RALYL: variants seen among roughly 807,000 people sequenced by gnomAD.
RALYL encodes the protein RALY RNA binding protein like, also known as RNA-binding Raly-like protein.
Under a neutral mutation model 35.1 loss-of-function variants are expected in RALYL, and 29 were observed. The observed-to-expected ratio is 0.83, with a 90% CI of 0.61 to 1.13. The LOEUF is 1.13. Ranked by LOEUF, RALYL falls within the 50% of genes most tolerant of loss-of-function variation. RALYL has a pLI of 0.00. For missense variants in RALYL, 359 were observed against 360.4 expected, an observed-to-expected ratio of 1.00 and a Z score of 0.03; for synonymous variants, 120 against 127.6, an observed-to-expected ratio of 0.94 and a Z score of 0.40.
At chr8:84,841,127 T>C (rs941076123) in intron 4 of RALYL, among the ~76,000 whole-genome samples, 1 of 152,106 alleles carries the variant, frequency 6.6e-6, no homozygotes, top group African/African-American at 2.4e-5. Context: ...ATACTAACCT[T>C]AAATGTAAAT....
chr8:84,349,626 C>A (rs1354932079), intron 1 of RALYL, among the ~76,000 whole-genome samples: 1 of 150,396 alleles, frequency 6.6e-6, no homozygotes, highest in Non-Finnish European at 1.5e-5. Flanking sequence ...CATTATCAGT[C>A]ATTGTTCTTA....
At chr8:84,559,488 G>A (rs2061346080) in intron 2 of RALYL, among the ~76,000 whole-genome samples, 1 of 151,936 alleles carries the variant, frequency 6.6e-6, no homozygotes, top group Admixed American at 6.6e-5. Flanking sequence ...AACCCATTCA[G>A]TGTCTGGAAA....
intron 2 of RALYL, among the ~76,000 whole-genome samples, chr8:84,711,257 T>C (rs1842138758): frequency 6.6e-6 from 1 of 152,196 alleles, no homozygotes; most frequent in Non-Finnish European, 1.5e-5. Context: ...AACTGAAAAG[T>C]CCATTTCATT....
At chr8:84,699,848 A>G (rs1171235418) in intron 2 of RALYL, among the ~76,000 whole-genome samples, 1 of 152,196 alleles carries the variant, frequency 6.6e-6, no homozygotes, top group African/African-American at 2.4e-5. Flanking sequence ...ATTTTACGTT[A>G]TACCTTTAAG....
chr8:84,267,141 T>G (rs888594283), intron 1 of RALYL, among the ~76,000 whole-genome samples: 4 of 152,136 alleles, frequency 2.6e-5, no homozygotes, highest in African/African-American at 9.7e-5. Flanking sequence ...CAGAGTGATC[T>G]TGCTTGGCAG....
chr8:84,714,156 G>T lies in RALYL; in HGVS notation c.257-60423G>T, dbSNP rs900240574. Reference sequence around the variant, plus strand: ...TAAATGAATAAGCCAGGTACAGAAAGATAAATACTGTGTCATCTCACTAAT... The same window carrying T: ...TAAATGAATAAGCCAGGTACAGAAATATAAATACTGTGTCATCTCACTAAT... On this transcript the variant is annotated intron_variant, in intron 2 of 8. Transcript: ENST00000521268. 2.0e-5 allele frequency among the ~76,000 whole-genome samples: 3 copies of T among 151,870 alleles called. No homozygotes were observed. The East Asian group carries it at 5.8e-4, about 29-fold the overall frequency.
intron 4 of RALYL, among the ~76,000 whole-genome samples, chr8:84,847,949 T>C (rs1039699437): frequency 3.3e-5 from 5 of 152,202 alleles, no homozygotes; most frequent in African/African-American, 1.2e-4. Context: ...TGTAAGAGCA[T>C]GAGGAGCTAT....
At chr8:84,387,457 G>T (rs1485878615) in intron 1 of RALYL, among the ~76,000 whole-genome samples, 1 of 151,818 alleles carries the variant, frequency 6.6e-6, no homozygotes, top group Non-Finnish European at 1.5e-5. Context: ...TTTCCAGGCT[G>T]TACTTAATTC....
chr8:84,429,932 G>T (rs953115373), intron 1 of RALYL, among the ~76,000 whole-genome samples: 3 of 151,128 alleles, frequency 2.0e-5, no homozygotes, highest in Non-Finnish European at 2.9e-5. Context: ...TTGCCCCTCT[G>T]CCCAGTTTTT....
intron 1 of RALYL, among the ~76,000 whole-genome samples, chr8:84,337,099 T>G (rs1258546377): frequency 6.6e-6 from 1 of 151,408 alleles, no homozygotes; most frequent in African/African-American, 2.4e-5. Flanking sequence ...GGAAAAGGGT[T>G]AATCAAATTA....
At chr8:84,772,379 G>A (rs1438268170) in intron 2 of RALYL, among the ~76,000 whole-genome samples, 1 of 151,814 alleles carries the variant, frequency 6.6e-6, no homozygotes, top group South Asian at 2.1e-4. Context: ...TCAAGCTTCA[G>A]GCATATACAT....
In RALYL at chr8:84,604,164, AT is replaced by A; in HGVS notation, c.256+74589del. ...TGCGCTTCTGACAGCACAGCTTTAG[AT>A]TAATCTATTTGAATCTCTTACAATA... On this transcript the variant is annotated intron_variant, in intron 2 of 8. Coordinates refer to ENST00000521268, the MANE Select transcript of RALYL (RefSeq NM_173848.7). Among the ~76,000 whole-genome samples the A allele has an allele frequency of 1.3e-5, 2 of 152,118 alleles. 1 individual carries two copies. The highest frequency in any genetic ancestry group is 2.9e-5 in the Non-Finnish European group (2 of 68,008).
intron 1 of RALYL, among the ~76,000 whole-genome samples, chr8:84,341,564 A>G (rs1465314312): frequency 6.6e-6 from 1 of 152,064 alleles, no homozygotes; most frequent in East Asian, 1.9e-4. Flanking sequence ...CTGTTATAAC[A>G]TACCATTTGT....
chr8:84,669,523 T>C (rs1026771256), intron 2 of RALYL, among the ~76,000 whole-genome samples: 1 of 115,902 alleles, frequency 8.6e-6, no homozygotes, highest in Non-Finnish European at 1.6e-5. Context: ...ACAGTGTCTG[T>C]TGTTCCCATC....
chr8:84,802,610 G>A (rs1027464448), intron 3 of RALYL, among the ~76,000 whole-genome samples: 3 of 152,126 alleles, frequency 2.0e-5, no homozygotes, highest in Middle Eastern at 3.2e-3. Flanking sequence ...AAAAAAGAGA[G>A]AGAGAGAGAA....
At chr8:84,486,709 A>C (rs944216415) in intron 1 of RALYL, among the ~76,000 whole-genome samples, 3 of 152,108 alleles carry the variant, frequency 2.0e-5, no homozygotes, top group Admixed American at 2.0e-4. Flanking sequence ...TTCATAAAAA[A>C]CAATAAGTGG....
intron 2 of RALYL, among the ~76,000 whole-genome samples, chr8:84,546,766 C>T (rs2060384073): frequency 6.6e-6 from 1 of 151,868 alleles, no homozygotes; most frequent in Admixed American, 6.6e-5. Flanking sequence ...GATAGGATTC[C>T]CCTGGATAAC....
chr8:84,876,574 A>C (rs956015561), intron 7 of RALYL, among the ~76,000 whole-genome samples: 15 of 149,616 alleles, frequency 1.0e-4, no homozygotes, highest in Admixed American at 4.7e-4. Flanking sequence ...GAAAAGTAAA[A>C]AGACTGGATA....
intron 2 of RALYL, among the ~76,000 whole-genome samples, chr8:84,560,743 G>T (rs1205656500): frequency 1.3e-5 from 2 of 151,858 alleles, no homozygotes; most frequent in Non-Finnish European, 2.9e-5. Flanking sequence ...AGACACGGAT[G>T]CTTGGGTTGA....
Sources: allele counts gnomAD v4.1 joint callset (sites outside exome capture counted in the v4.1 genomes callset), GRCh38; gene constraint gnomAD v4.1.1; transcripts MANE v1.5; gene names NCBI Gene and HGNC (gene_info 2026-07-23, HGNC 2026-07-21).